The following PCDHGA5 variants were observed in gnomAD, a reference collection of about 807,000 sequenced individuals.
PCDHGA5 encodes the protein protocadherin gamma-A5.
In PCDHGA5, 36 loss-of-function variants were observed where a neutral mutation model predicts 56.7. The observed-to-expected ratio is 0.64, with a 90% confidence interval of 0.49 to 0.84. PCDHGA5 has a LOEUF of 0.84. Ranked by LOEUF, PCDHGA5 falls within the 40% of genes least tolerant of loss-of-function variation. PCDHGA5 has a pLI of 0.00. For missense variants in PCDHGA5, 1,305 were observed against 1,201.5 expected (o/e 1.09, Z -1.27); for synonymous variants, 563 against 520.2 (o/e 1.08, Z -1.12).
chr5:141,431,770 T>A lies in PCDHGA5; in HGVS notation c.2422-63037T>A, dbSNP rs748816389. 7 of 1,614,086 alleles carry A rather than the reference T, an allele frequency of 4.3e-6. No homozygotes were observed. The highest frequency in any genetic ancestry group is 1.3e-5 in the African/African-American group (1 of 74,938). ...CGCGAGCCAAAGTCCTGATCACTGT[T>A]CTGGACGTGAACGACAATGCCCCAG... On this transcript the variant is annotated intron_variant, in intron 1 of 3. Coordinates refer to ENST00000518069, the MANE Select transcript of PCDHGA5 (RefSeq NM_018918.3). This position sits in a 1 kb window ranked among gnomAD's most constrained non-coding sequence, Gnocchi z 4.8.
At chr5:141,369,230 G>A (rs1003711294) in intron 1 of PCDHGA5, among the ~76,000 whole-genome samples, 4 of 152,068 alleles carry the variant, frequency 2.6e-5, no homozygotes, top group Non-Finnish European at 4.4e-5. Flanking sequence ...TGGACAGGAA[G>A]ATTACTTATA....
intron 1 of PCDHGA5, among the ~76,000 whole-genome samples, chr5:141,435,561 T>A (rs2154556722): frequency 6.6e-6 from 1 of 152,294 alleles, no homozygotes; most frequent in South Asian, 2.1e-4. Flanking sequence ...TGAGTGCTTT[T>A]TTTAGTACTG....
At chr5:141,389,267 GA>G (rs2091674195) in intron 1 of PCDHGA5, 1 of 1,613,890 alleles carries the variant, frequency 6.2e-7, no homozygotes, top group African/African-American at 1.3e-5. Context: ...ACGTGGCCGA[GA>G]ACAACCCGCC....
At chr5:141,507,380 C>G (rs984406173) in intron 3 of PCDHGA5, 1 of 151,954 alleles carries the variant, frequency 6.6e-6, no homozygotes, top group African/African-American at 2.4e-5. Flanking sequence ...CTTTTATTTA[C>G]TAAATCTGGC....
intron 1 of PCDHGA5, chr5:141,418,549 C>T: frequency 6.2e-7 from 1 of 1,614,024 alleles, no homozygotes; most frequent in Non-Finnish European, 8.5e-7. Context: ...AGATAAGAAT[C>T]CTGGTAATAG....
chr5:141,430,108 G>A (rs572634913), intron 1 of PCDHGA5, among the ~76,000 whole-genome samples: 1 of 152,190 alleles, frequency 6.6e-6, no homozygotes, highest in South Asian at 2.1e-4. Context: ...AGCGTTACAT[G>A]TCAACAACCT....
intron 1 of PCDHGA5, among the ~76,000 whole-genome samples, chr5:141,444,771 T>C (rs987549188): frequency 6.6e-6 from 1 of 152,246 alleles, no homozygotes; most frequent in African/African-American, 2.4e-5. Context: ...TTCTATATTC[T>C]TGATCATGTT....
intron 1 of PCDHGA5, chr5:141,408,114 C>G: frequency 6.8e-7 from 1 of 1,461,086 alleles, no homozygotes; most frequent in East Asian, 2.5e-5. Flanking sequence ...CGGGACTCCT[C>G]CTGTCCTGGG....
At chr5:141,393,222 G>T (rs950133126) in intron 1 of PCDHGA5, 2 of 1,613,670 alleles carry the variant, frequency 1.2e-6, no homozygotes, top group East Asian at 2.2e-5. Flanking sequence ...CCAGGTCGAA[G>T]ATCTAGAAGT....
intron 1 of PCDHGA5, chr5:141,419,596 G>A (rs377287183): frequency 2.6e-5 from 42 of 1,611,564 alleles, no homozygotes; most frequent in Non-Finnish European, 3.3e-5. Flanking sequence ...ACACAGTGCC[G>A]CGGGCCGCGC....
Position 141,511,015 on chromosome 5 carries a change from C to T in PCDHGA5, c.2638C>T (p.Pro880Ser), listed in dbSNP as rs1430257603. The T allele has an allele frequency of 1.2e-6, 2 of 1,614,106 alleles. No homozygotes were observed. The highest frequency in any genetic ancestry group is 1.3e-5 in the African/African-American group (1 of 74,936). The stretch of plus-strand genomic sequence containing the variant: ...CATGGGATTGAGCGCCCGCTACGGA[C>T]CCCAGTTCACCCTGCAGCACGTGCC... ...GTMGLSARYG[P>S]QFTLQHVPDY... Residue 880 changes from proline (P) to serine (S), a missense_variant, in exon 4 of 4, where the codon CCC (proline) becomes TCC (serine). Coordinates refer to ENST00000518069, the MANE Select transcript of PCDHGA5 (RefSeq NM_018918.3).
At chr5:141,426,657 A>G (rs1369635444) in intron 1 of PCDHGA5, 2 of 425,278 alleles carry the variant, frequency 4.7e-6, no homozygotes, top group Non-Finnish European at 9.7e-6. Flanking sequence ...GATAGAAGAT[A>G]TAAATGATAA....
intron 1 of PCDHGA5, among the ~76,000 whole-genome samples, chr5:141,402,590 A>G (rs1379327637): frequency 6.6e-6 from 1 of 152,238 alleles, no homozygotes; most frequent in Admixed American, 6.5e-5. Flanking sequence ...TAAAAAATAG[A>G]TTGCTTTTGA....
At position 141,489,083 on chromosome 5, in the gene PCDHGA5, T is replaced by G; in HGVS notation, c.2422-5724T>G. On this transcript the variant is annotated intron_variant, in intron 1 of 3. Coordinates refer to ENST00000518069, the MANE Select transcript of PCDHGA5 (RefSeq NM_018918.3). This position sits in a 1 kb window ranked among gnomAD's most constrained non-coding sequence, Gnocchi z 4.5. ...CCTCCCCCCTGCCCACCCCCGCCACTCGGTGACTAAGAACTGCTGCAAGCA... is the reference window on the plus strand; with the variant it reads ...CCTCCCCCCTGCCCACCCCCGCCACGCGGTGACTAAGAACTGCTGCAAGCA... The G allele has an allele frequency of 1.2e-5, 2 of 172,008 alleles. No individual in the cohort carries two copies. Among genetic ancestry groups the G allele is most frequent in the Non-Finnish European group, 2.1e-5 (2 of 94,012 alleles). The allele number at this position is 172,008 out of a possible 1,614,324, so 10.7% of individuals were successfully genotyped here. A position where few individuals can be genotyped will look rare whatever the true frequency, so the allele number is the denominator to read the frequency against.
At chr5:141,435,376 A>G (rs1358757887) in intron 1 of PCDHGA5, among the ~76,000 whole-genome samples, 1 of 152,200 alleles carries the variant, frequency 6.6e-6, no homozygotes, top group Non-Finnish European at 1.5e-5. Flanking sequence ...TAAATATACA[A>G]TATACCGTAT....
intron 1 of PCDHGA5, chr5:141,376,117 C>G: frequency 6.2e-7 from 1 of 1,613,848 alleles, no homozygotes; most frequent in Non-Finnish European, 8.5e-7. Context: ...TGGGCAGCCT[C>G]GAGCCCTCCG....
chr5:141,422,850 G>C (rs184432819), intron 1 of PCDHGA5: 30 of 1,614,086 alleles, frequency 1.9e-5, no homozygotes, highest in Middle Eastern at 1.6e-4. Flanking sequence ...GCGGGGACCC[G>C]CCCCTCAGCA....
At chr5:141,371,540 C>T (rs773129811) in intron 1 of PCDHGA5, 1 of 1,613,730 alleles carries the variant, frequency 6.2e-7, no homozygotes, top group East Asian at 2.2e-5. Flanking sequence ...ATGGAGAAAT[C>T]CTATGCCAAC....
intron 2 of PCDHGA5, among the ~76,000 whole-genome samples, chr5:141,502,358 TA>T (rs1283802909): frequency 6.6e-6 from 1 of 152,134 alleles, no homozygotes; most frequent in African/African-American, 2.4e-5. Context: ...ATGACATGGA[TA>T]TTTTTAAAGA....
Sources: gnomAD v4.1 joint callset for allele counts (sites outside exome capture counted in the v4.1 genomes callset) on GRCh38, gnomAD v4.1.1 for gene constraint, Gnocchi (gnomAD v3.1) non-coding constraint, MANE v1.5 for transcripts, NCBI Gene and HGNC (gene_info 2026-07-23, HGNC 2026-07-21) for gene names.